Variants in AGBL1 observed in about 807,000 individuals in gnomAD.
AGBL1 encodes the protein AGBL carboxypeptidase 1.
In AGBL1, 130 loss-of-function variants were observed where a neutral mutation model predicts 118.9. That is an observed-to-expected ratio of 1.09 (90% CI 0.95 to 1.26). The LOEUF (loss-of-function observed/expected upper bound fraction) is 1.26, where lower values mean the gene tolerates loss of function less well. Among genes scored for constraint, AGBL1 ranks in the 50% most tolerant of loss-of-function variants. The pLI is 0.00. For synonymous variants in AGBL1, 555 were observed against 478.9 expected (o/e 1.16, Z -2.08); for missense variants, 1,584 against 1,298.1 (o/e 1.22, Z -3.38).
At chr15:86,841,780 G>C (rs1307807622) in intron 22 of AGBL1, among the ~76,000 whole-genome samples, 1 of 152,182 alleles carries the variant, frequency 6.6e-6, no homozygotes. Flanking sequence ...CAGAGAGGCG[G>C]AGGTTGTGGT....
chr15:86,614,385 G>A (rs2084695655), intron 21 of AGBL1, among the ~76,000 whole-genome samples: 1 of 152,018 alleles, frequency 6.6e-6, no homozygotes, highest in Non-Finnish European at 1.5e-5. Context: ...TTGTTCTATT[G>A]TTTTCTTAGT....
chr15:86,219,328 C>T (rs1274066945), intron 5 of AGBL1, among the ~76,000 whole-genome samples: 1 of 152,096 alleles, frequency 6.6e-6, no homozygotes, highest in Non-Finnish European at 1.5e-5. Context: ...CTTTTAATGG[C>T]AAAAATTACG....
intron 21 of AGBL1, among the ~76,000 whole-genome samples, chr15:86,641,522 A>G (rs1227971006): frequency 6.6e-6 from 1 of 152,078 alleles, no homozygotes; most frequent in Non-Finnish European, 1.5e-5. Flanking sequence ...CTTTTGTGAG[A>G]ATCATTTTTC....
At chr15:86,423,422 A>G (rs950624277) in intron 18 of AGBL1, among the ~76,000 whole-genome samples, 7 of 150,442 alleles carry the variant, frequency 4.7e-5, no homozygotes, top group Non-Finnish European at 1.0e-4. Context: ...GATGGAACGT[A>G]TCTCTATCAT....
chr15:86,638,035 A>C (rs1248600971), intron 21 of AGBL1, among the ~76,000 whole-genome samples: 2 of 152,170 alleles, frequency 1.3e-5, no homozygotes. Context: ...TCAGAGGAAG[A>C]ACAGGAAAAA....
intron 5 of AGBL1, among the ~76,000 whole-genome samples, chr15:86,169,311 C>A (rs765304828): frequency 6.6e-6 from 1 of 152,144 alleles, no homozygotes; most frequent in Non-Finnish European, 1.5e-5. Flanking sequence ...GGGAAATTAG[C>A]CAAAGCCAAG....
chr15:86,168,492 A>T lies in AGBL1; in HGVS notation c.488+9466A>T, dbSNP rs183606347. 1.9e-4 allele frequency among the ~76,000 whole-genome samples: 29 copies of T among 152,324 alleles called. No individual in the cohort carries two copies. The East Asian group carries it at 4.4e-3, about 23-fold the overall frequency. Reference sequence around the variant, plus strand: ...CTATGTCCTAAAAATTCACTTTGAAATGTGAACTAAGATTTATGTGCAAAA... The same window carrying T: ...CTATGTCCTAAAAATTCACTTTGAATTGTGAACTAAGATTTATGTGCAAAA... On this transcript the variant is annotated intron_variant, in intron 5 of 22. Coordinates refer to ENST00000614907, the MANE Select transcript of AGBL1 (RefSeq NM_001386094.1).
At chr15:86,228,440 A>G (rs1416392866) in intron 6 of AGBL1, among the ~76,000 whole-genome samples, 1 of 152,166 alleles carries the variant, frequency 6.6e-6, no homozygotes, top group Non-Finnish European at 1.5e-5. Context: ...TGCATCCCAA[A>G]AAGGAAATAA....
At chr15:86,184,138 T>G (rs2077591471) in intron 5 of AGBL1, among the ~76,000 whole-genome samples, 1 of 152,224 alleles carries the variant, frequency 6.6e-6, no homozygotes, top group African/African-American at 2.4e-5. Flanking sequence ...TTTAAAAAAT[T>G]TAATTTGCTG....
intron 21 of AGBL1, among the ~76,000 whole-genome samples, chr15:86,661,899 C>T (rs78922897): frequency 6.6e-6 from 1 of 152,180 alleles, no homozygotes; most frequent in South Asian, 2.1e-4. Flanking sequence ...TCTCTATTCT[C>T]TGCTCTAAGA....
At chr15:86,475,172 C>A (rs1177679793) in intron 18 of AGBL1, among the ~76,000 whole-genome samples, 1 of 152,120 alleles carries the variant, frequency 6.6e-6, no homozygotes, top group African/African-American at 2.4e-5. Context: ...AGTGCCTCTC[C>A]CCCTCCAAAG....
intron 23 of AGBL1, among the ~76,000 whole-genome samples, chr15:86,966,135 G>T (rs145535415): frequency 3.3e-5 from 5 of 151,908 alleles, no homozygotes; most frequent in Admixed American, 2.0e-4. Context: ...TACTGAAAAC[G>T]CCTTTTCAAA....
At chr15:86,752,852 C>G (rs999524658) in intron 22 of AGBL1, among the ~76,000 whole-genome samples, 3 of 151,894 alleles carry the variant, frequency 2.0e-5, no homozygotes, top group Non-Finnish European at 4.4e-5. Flanking sequence ...TTTTCTGAAC[C>G]AAAAATCAAG....
chr15:86,982,906 T>TGA (rs2081246176), intron 23 of AGBL1, among the ~76,000 whole-genome samples: 1 of 152,212 alleles, frequency 6.6e-6, no homozygotes, highest in Non-Finnish European at 1.5e-5. Flanking sequence ...CTCATCTTCA[T>TGA]GCTGTTCAAG....
intron 6 of AGBL1, among the ~76,000 whole-genome samples, chr15:86,229,195 T>C (rs1196051321): frequency 3.3e-5 from 5 of 152,214 alleles, no homozygotes; most frequent in African/African-American, 9.7e-5. Context: ...TTTCCCTCTG[T>C]ATTAGTCTGT....
At chr15:86,517,105 G>A (rs2083130828) in intron 18 of AGBL1, among the ~76,000 whole-genome samples, 1 of 152,220 alleles carries the variant, frequency 6.6e-6, no homozygotes, top group South Asian at 2.1e-4. Flanking sequence ...GGTTGGGCAA[G>A]TATGTAAGTG....
chr15:86,271,670 C>A lies in AGBL1; in HGVS notation c.2039C>A (p.Thr680Asn), dbSNP rs1392637727. 6.2e-7 allele frequency: 1 copy of A among 1,613,464 alleles called. No homozygotes were observed. The highest frequency in any genetic ancestry group is 1.1e-5 in the South Asian group (1 of 91,070). ...SVKEALLGKP[T>N]WIRTGHEICY... Reference sequence around the variant, plus strand: ...AAGGAGGCTCTTCTTGGCAAACCCACCTGGATAAGGACAGGCCATGAAATA... The same window carrying A: ...AAGGAGGCTCTTCTTGGCAAACCCAACTGGATAAGGACAGGCCATGAAATA... The change falls in exon 15 of 23, where the codon ACC becomes AAC. Residue 680 changes from threonine to asparagine, a missense_variant. Thr to Asn is a moderately conservative substitution (Grantham distance 65, BLOSUM62 0). Transcript: ENST00000614907.
Position 86,355,926 on chromosome 15 carries a change from A to G in AGBL1, c.2375-41440A>G, listed in dbSNP as rs370242582. ...ATTCTTTGCAAACATCCTGATTATA[A>G]GAATTTAATGATGCACTCATGGGAG... On this transcript the variant is annotated intron_variant, in intron 17 of 22. Transcript: ENST00000614907. Among the ~76,000 whole-genome samples, 3 of 152,342 alleles carry G rather than the reference A, an allele frequency of 2.0e-5. No homozygotes were observed. In the East Asian group the frequency reaches 5.8e-4, roughly 29 times the overall value.
intron 22 of AGBL1, among the ~76,000 whole-genome samples, chr15:86,694,156 A>G (rs2086217143): frequency 6.6e-6 from 1 of 151,974 alleles, no homozygotes; most frequent in Non-Finnish European, 1.5e-5. Flanking sequence ...TTTGGTGGGA[A>G]TTGCATTGAA....
Sources: gnomAD v4.1 joint callset for allele counts (sites outside exome capture counted in the v4.1 genomes callset) on GRCh38, gnomAD v4.1.1 for gene constraint, MANE v1.5 for transcripts, NCBI Gene and HGNC (gene_info 2026-07-23, HGNC 2026-07-21) for gene names.